HMCN2: variants seen among roughly 807,000 people sequenced by gnomAD.
The protein encoded by HMCN2 is hemicentin-2.
In HMCN2, 325 loss-of-function variants were observed where a neutral mutation model predicts 377.5. The ratio of observed to expected loss-of-function variants is 0.86; its 90% CI spans 0.79 to 0.94. The LOEUF (loss-of-function observed/expected upper bound fraction) is 0.94. Ranked by LOEUF, HMCN2 falls within the 40% of genes least tolerant of loss-of-function variation. The probability of loss-of-function intolerance (pLI) is 0.00; values close to 1 mark genes in which losing one functional copy is unlikely to be tolerated. For synonymous variants in HMCN2, 2,007 were observed against 2,046.8 expected (o/e 0.98, Z 0.53); for missense variants, 4,543 against 4,725.3 (o/e 0.96, Z 1.13).
intron 8 of HMCN2, among the ~76,000 whole-genome samples, chr9:130,300,159 C>T (rs1342825850): frequency 2.6e-5 from 4 of 151,900 alleles, no homozygotes; most frequent in African/African-American, 9.7e-5. Context: ...ATCCACCCAC[C>T]CATCCATCTA....
chr9:130,417,759 G>A (rs1439155957), intron 85 of HMCN2, among the ~76,000 whole-genome samples: 1 of 152,204 alleles, frequency 6.6e-6, no homozygotes, highest in Admixed American at 6.5e-5. Context: ...GCTAATGTGG[G>A]CCTCCTGGCC....
chr9:130,281,405 G>T (rs782798061), intron 1 of HMCN2, among the ~76,000 whole-genome samples: 7 of 152,100 alleles, frequency 4.6e-5, no homozygotes, highest in Non-Finnish European at 1.0e-4. Flanking sequence ...AGATCAGCCT[G>T]GCCAACATGG....
chr9:130,362,289 G>T, intron 39 of HMCN2, 124 bp downstream of exon 39: 2 of 575,440 alleles, frequency 3.5e-6, no homozygotes, highest in Non-Finnish European at 4.4e-6. Flanking sequence ...CCGAGGGCTA[G>T]AGGGAGGTGG....
chr9:130,291,465 C>T (rs1835761411), intron 4 of HMCN2, among the ~76,000 whole-genome samples: 1 of 152,220 alleles, frequency 6.6e-6, no homozygotes, highest in Non-Finnish European at 1.5e-5. Flanking sequence ...CTGCCTCGGC[C>T]TCCCAAAGTG....
Position 130,393,562 on chromosome 9 carries a change from A to G in HMCN2, c.10235-180A>G, listed in dbSNP as rs578070751. Among the ~76,000 whole-genome samples, 11 of 152,286 alleles carry G rather than the reference A, an allele frequency of 7.2e-5. No individual in the cohort carries two copies. The South Asian group carries it at 1.7e-3, about 23-fold the overall frequency. ...GCAGCTCAGTAAAGAGACAATCACA[A>G]TTCCAGGGAACTAGTGACACCAGGG... On this transcript the variant is annotated intron_variant, in intron 67 of 97. Transcript: ENST00000683500. This position sits in a 1 kb window ranked among gnomAD's most constrained non-coding sequence, Gnocchi z 5.2.
At chr9:130,299,393 G>C (rs782798111) in intron 8 of HMCN2, 105 bp downstream of exon 8, 5 of 361,252 alleles carry the variant, frequency 1.4e-5, no homozygotes, top group Non-Finnish European at 2.9e-5. Flanking sequence ...ATTAGAAAGT[G>C]TTTGTTCATT....
At chr9:130,433,293 C>T (rs1844871711) in intron 97 of HMCN2, 55 bp from the exon 98 acceptor site, 2 of 1,342,054 alleles carry the variant, frequency 1.5e-6, no homozygotes, top group African/African-American at 3.1e-5. Flanking sequence ...GCGGATGGGC[C>T]ACGCTCCGAC....
rs1429487416 is a variant in HMCN2, at chr9:130,384,003, AC to A, written c.8831-369del. ...GGGGTCTCACTGTCCCGGAGCCTGC[AC>A]TCCTAACCTCTGCAACTCATGACGT... is the stretch of plus-strand genomic sequence containing the variant. On this transcript the variant is annotated intron_variant, in intron 57 of 97. Coordinates refer to ENST00000683500, the MANE Select transcript of HMCN2 (RefSeq NM_001291815.2). 3.4e-3 allele frequency among the ~76,000 whole-genome samples: 518 copies of A among 152,006 alleles called. 3 individuals are homozygous for A. Among genetic ancestry groups the A allele is most frequent in the African/African-American group, 0.01 (429 of 41,434 alleles).
At chr9:130,311,555 G>A (rs960272333) in intron 15 of HMCN2, among the ~76,000 whole-genome samples, 113 of 152,276 alleles carry the variant, frequency 7.4e-4, no homozygotes, top group African/African-American at 2.6e-3. Context: ...GCATGCACAG[G>A]GCACCGAGTG....
rs558856790 is a variant in HMCN2 at position 130,304,868 on chromosome 9, C to G, written c.1682C>G (p.Thr561Arg). 4.2e-6 allele frequency: 2 copies of G among 471,116 alleles called. No individual in the cohort carries two copies. The highest frequency in any genetic ancestry group is 3.2e-4 in the Middle Eastern group (1 of 3,078). The allele number at this position is 471,116 out of a possible 1,614,324, so 29.2% of individuals were successfully genotyped here. Residue 561 changes from threonine (T) to arginine (R), a missense_variant, in exon 11 of 98, where the codon ACG (threonine) becomes AGG (arginine). This residue lies in a region of HMCN2 where 547 missense variants were observed against 189.9 expected (regional missense o/e 2.88). Coordinates refer to ENST00000683500, the MANE Select transcript of HMCN2 (RefSeq NM_001291815.2). This position sits in a 1 kb window ranked among gnomAD's most constrained non-coding sequence, Gnocchi z 4.3. ...VRDWRVLPAS[T>R]GRVAQLADLS... is the part of the protein sequence containing the mutation. ...GACTGGCGAGTCCTGCCGGCCTCGACGGGCCGAGTTGCCCAGCTGGCTGAC... is the reference window on the plus strand; with the variant it reads ...GACTGGCGAGTCCTGCCGGCCTCGAGGGGCCGAGTTGCCCAGCTGGCTGAC...
chr9:130,281,496 A>T (rs1277386717), intron 1 of HMCN2, among the ~76,000 whole-genome samples: 1 of 151,828 alleles, frequency 6.6e-6, no homozygotes, highest in Non-Finnish European at 1.5e-5. Flanking sequence ...TACTTGGAAG[A>T]CTGAGGCACA....
At position 130,406,013 on chromosome 9, in the gene HMCN2, G is replaced by C; in HGVS notation, c.12398G>C (p.Arg4133Pro). 1 of 1,289,750 alleles carries C rather than the reference G, an allele frequency of 7.8e-7. No individual in the cohort carries two copies. Among genetic ancestry groups the C allele is most frequent in the Non-Finnish European group, 1.0e-6 (1 of 988,834 alleles). The allele number at this position is 1,289,750 out of a possible 1,614,324, so 79.9% of individuals were successfully genotyped here. ...TAENAVGRAR[R>P]RVHLTILVLP... ...GAGAACGCCGTGGGCCGGGCCCGCC[G>C]CCGCGTGCACCTCACCATCCTGGTA... The change falls in exon 82 of 98, where the codon CGC becomes CCC. Residue 4133 changes from arginine to proline, a missense_variant. This residue lies in a region of HMCN2 where 1,073 missense variants were observed against 1,319.5 expected (regional missense o/e 0.81). Coordinates refer to ENST00000683500, the MANE Select transcript of HMCN2 (RefSeq NM_001291815.2).
intron 66 of HMCN2, among the ~76,000 whole-genome samples, chr9:130,392,809 AC>A (rs1842395470): frequency 6.6e-6 from 1 of 152,088 alleles, no homozygotes. Context: ...ATCCTGGCTA[AC>A]ACGGTGAAAC....
At chr9:130,325,324 G>C (rs921939736) in intron 19 of HMCN2, among the ~76,000 whole-genome samples, 1 of 151,586 alleles carries the variant, frequency 6.6e-6, no homozygotes, top group Admixed American at 6.6e-5. Flanking sequence ...TCGAACTCCT[G>C]ACCTCAAGTG....
At chr9:130,336,664 G>C (rs1838763823) in intron 22 of HMCN2, among the ~76,000 whole-genome samples, 1 of 152,216 alleles carries the variant, frequency 6.6e-6, no homozygotes, top group Non-Finnish European at 1.5e-5. Flanking sequence ...GTCCCAAGAG[G>C]CTGCTGGATG....
chr9:130,276,777 C>G (rs1392100607), intron 1 of HMCN2, among the ~76,000 whole-genome samples: 1 of 152,222 alleles, frequency 6.6e-6, no homozygotes, highest in Non-Finnish European at 1.5e-5. Context: ...GCAGGCTTGA[C>G]ATCACTTTCT....
rs1401764158 is a variant in HMCN2, at chr9:130,394,501, A to G, written c.10618A>G (p.Lys3540Glu). 3 of 1,289,656 alleles carry G rather than the reference A, an allele frequency of 2.3e-6. No individual in the cohort carries two copies. The highest frequency in any genetic ancestry group is 3.0e-6 in the Non-Finnish European group (3 of 988,862). 79.9% of individuals were successfully genotyped at this position (1,289,656 alleles called of 1,614,324 possible). A position where few individuals can be genotyped will look rare whatever the true frequency, so the allele number is the denominator to read the frequency against. ...GTPQPNITWH[K>E]DGQALTRLEN... is the part of the protein sequence containing the mutation. ...CCCCCAGCCCAACATCACCTGGCAT[A>G]AGGACGGGCAGGCCCTGACCAGGCT... Residue 3540 changes from lysine to glutamate, a missense_variant, in exon 69 of 98, where the codon AAG becomes GAG. Transcript: ENST00000683500. This position sits in a 1 kb window ranked among gnomAD's most constrained non-coding sequence, Gnocchi z 5.1.
rs773715134 is a variant in HMCN2 at position 130,393,505 on chromosome 9, G to T, written c.10234+196G>T. ...CAAGTGGCTGTGGGCACTCTGGTAT[G>T]CCCAGGATAGGCGGGGGCAGAGAGG... On this transcript the variant is annotated intron_variant, in intron 67 of 97. Coordinates refer to ENST00000683500, the MANE Select transcript of HMCN2 (RefSeq NM_001291815.2). This position sits in a 1 kb window ranked among gnomAD's most constrained non-coding sequence, Gnocchi z 5.2. Among the ~76,000 whole-genome samples the T allele has an allele frequency of 1.8e-4, 28 of 152,218 alleles. No homozygotes were observed. Among genetic ancestry groups the T allele is most frequent in the Admixed American group, 5.2e-4 (8 of 15,290 alleles).
At chr9:130,425,970 C>A in intron 90 of HMCN2, 46 bp downstream of exon 90, 2 of 1,417,110 alleles carry the variant, frequency 1.4e-6, no homozygotes, top group Non-Finnish European at 1.9e-6. Context: ...CCAGCTAAAA[C>A]CTGCCAGGGG....
Sources: allele counts gnomAD v4.1 joint callset (sites outside exome capture counted in the v4.1 genomes callset), GRCh38; gene constraint gnomAD v4.1.1; regional missense constraint gnomAD v4.1.1; non-coding constraint Gnocchi (gnomAD v3.1); transcripts MANE v1.5; gene names NCBI Gene and HGNC (gene_info 2026-07-23, HGNC 2026-07-21).